The following FOXP1 variants were observed in gnomAD, a reference collection of about 807,000 sequenced individuals.
FOXP1 encodes forkhead box protein P1.
A neutral mutation model predicts 98.2 loss-of-function variants in FOXP1; 15 were observed. That is an observed-to-expected ratio of 0.15 (90% CI 0.10 to 0.24). FOXP1 has a LOEUF of 0.24. Among genes scored for constraint, FOXP1 ranks in the 10% least tolerant of loss-of-function variants. FOXP1 has a pLI of 1.00. For missense variants in FOXP1, 633 were observed against 848.5 expected (o/e 0.75, Z 3.15); for synonymous variants, 371 against 314.5 (o/e 1.18, Z -1.90).
At chr3:71,029,576 A>G (rs183077453) in intron 11 of FOXP1, among the ~76,000 whole-genome samples, 40 of 152,070 alleles carry the variant, frequency 2.6e-4, no homozygotes, top group African/African-American at 8.9e-4. Context: ...TTTTTTGTAG[A>G]GACAGGGTCT....
At chr3:70,972,086 T>TTAAACTCTTCATCATCAACTGTCCA (rs1213423608) in intron 18 of FOXP1, 1 of 1,528,700 alleles carries the variant, frequency 6.5e-7, no homozygotes, top group Admixed American at 2.0e-5. Flanking sequence ...GCGGCCACGT[T>TTAAACTCTTCATCATCAACTGTCCA]TAAACTCTTC....
At chr3:71,484,066 T>A (rs1417169121) in intron 3 of FOXP1, among the ~76,000 whole-genome samples, 1 of 152,198 alleles carries the variant, frequency 6.6e-6, no homozygotes, top group African/African-American at 2.4e-5. Flanking sequence ...TAAACTACCC[T>A]GATACCTTTT....
chr3:71,402,491 T>G (rs1433642455), intron 3 of FOXP1, among the ~76,000 whole-genome samples: 1 of 152,198 alleles, frequency 6.6e-6, no homozygotes, highest in Admixed American at 6.5e-5. Flanking sequence ...ATCTGTGGAA[T>G]GAATAAGCAC....
chr3:71,238,095 A>C (rs535366462), intron 5 of FOXP1, among the ~76,000 whole-genome samples: 1 of 152,342 alleles, frequency 6.6e-6, no homozygotes, highest in East Asian at 1.9e-4. Context: ...GAAATTAATA[A>C]ATCAATTAAA....
At chr3:70,996,687 G>A (rs961187787) in intron 13 of FOXP1, among the ~76,000 whole-genome samples, 2 of 152,130 alleles carry the variant, frequency 1.3e-5, no homozygotes, top group Non-Finnish European at 2.9e-5. Flanking sequence ...CAGCTACTGT[G>A]CCCTCTGAAT....
chr3:71,449,741 C>T (rs2086764467), intron 3 of FOXP1, among the ~76,000 whole-genome samples: 1 of 152,204 alleles, frequency 6.6e-6, no homozygotes, highest in Non-Finnish European at 1.5e-5. Flanking sequence ...GGGTCACTTA[C>T]TGATCATGCA....
At chr3:71,089,547 C>T (rs1006432990) in intron 7 of FOXP1, among the ~76,000 whole-genome samples, 1 of 152,086 alleles carries the variant, frequency 6.6e-6, no homozygotes, top group Non-Finnish European at 1.5e-5. Context: ...CAGAGTTATC[C>T]AAATCTGATC....
chr3:71,273,595 G>A (rs779699607), intron 5 of FOXP1, among the ~76,000 whole-genome samples: 20 of 152,142 alleles, frequency 1.3e-4, no homozygotes, highest in East Asian at 1.9e-4. Context: ...TTCAGTATCC[G>A]AGAACAAAGT....
intron 3 of FOXP1, among the ~76,000 whole-genome samples, chr3:71,423,019 T>C (rs1228641637): frequency 6.6e-6 from 1 of 152,174 alleles, no homozygotes; most frequent in African/African-American, 2.4e-5. Context: ...AAGAGCTGCC[T>C]GAAGCCCAAC....
At chr3:71,038,713 G>C (rs1295482498) in intron 11 of FOXP1, among the ~76,000 whole-genome samples, 1 of 151,236 alleles carries the variant, frequency 6.6e-6, no homozygotes, top group East Asian at 1.9e-4. Context: ...GCCCAGGCTG[G>C]AGTGCAATGG....
At chr3:71,193,158 T>C (rs2063094915) in intron 6 of FOXP1, among the ~76,000 whole-genome samples, 2 of 150,622 alleles carry the variant, frequency 1.3e-5, no homozygotes, top group Non-Finnish European at 2.9e-5. Flanking sequence ...TATTTGTGTT[T>C]TTTTTTTGAG....
In FOXP1 at chr3:71,155,821, T is replaced by A. The variant is rs190832127; in HGVS notation, c.180+42381A>T. On this transcript the variant is annotated intron_variant, in intron 6 of 20. Transcript: ENST00000649528. ...TATCCTGCTCAACTCCATGCATACA[T>A]TCCTTCTTGAAATCAGTGAAAACTC... 4.7e-4 allele frequency among the ~76,000 whole-genome samples: 72 copies of A among 152,300 alleles called. 1 individual carries two copies. The highest frequency in any genetic ancestry group is 1.7e-3 in the African/African-American group (71 of 41,566).
chr3:71,521,162 A>G (rs1388196096), intron 2 of FOXP1, among the ~76,000 whole-genome samples: 1 of 152,044 alleles, frequency 6.6e-6, no homozygotes, highest in African/African-American at 2.4e-5. Flanking sequence ...AAGCTCCTGA[A>G]AGGGATGGAC....
chr3:71,540,118 T>C (rs1477735981), intron 2 of FOXP1, among the ~76,000 whole-genome samples: 1 of 152,260 alleles, frequency 6.6e-6, no homozygotes, highest in African/African-American at 2.4e-5. Flanking sequence ...TTGAAGATAT[T>C]ACTGACGATA....
intron 3 of FOXP1, among the ~76,000 whole-genome samples, chr3:71,397,504 C>G (rs73837146): frequency 6.6e-6 from 1 of 152,228 alleles, no homozygotes; most frequent in Non-Finnish European, 1.5e-5. Flanking sequence ...GGCAATGCGA[C>G]GGGCCTTGGG....
At chr3:70,984,680 T>C (rs931631170) in intron 14 of FOXP1, among the ~76,000 whole-genome samples, 1 of 152,124 alleles carries the variant, frequency 6.6e-6, no homozygotes, top group Non-Finnish European at 1.5e-5. Context: ...TTTGGTTTTG[T>C]TCTGAAAGGA....
intron 2 of FOXP1, among the ~76,000 whole-genome samples, chr3:71,548,284 T>C (rs190350568): frequency 6.6e-6 from 1 of 152,316 alleles, no homozygotes; most frequent in East Asian, 1.9e-4. Context: ...AACACACACA[T>C]ACACAAATAC....
intron 2 of FOXP1, among the ~76,000 whole-genome samples, chr3:71,522,143 T>G (rs1252962150): frequency 6.6e-6 from 1 of 151,910 alleles, no homozygotes; most frequent in Non-Finnish European, 1.5e-5. Context: ...CTGCCAAGAG[T>G]TCCGAGAGAG....
At chr3:71,261,127 G>A (rs1370878241) in intron 5 of FOXP1, among the ~76,000 whole-genome samples, 1 of 152,136 alleles carries the variant, frequency 6.6e-6, no homozygotes, top group African/African-American at 2.4e-5. Context: ...AGAATGTAGG[G>A]TATTACACAA....
Sources: allele counts gnomAD v4.1 joint callset (sites outside exome capture counted in the v4.1 genomes callset), GRCh38; gene constraint gnomAD v4.1.1; transcripts MANE v1.5; gene names NCBI Gene and HGNC (gene_info 2026-07-23, HGNC 2026-07-21).